The following CACNA2D3 variants were observed in gnomAD, a reference collection of about 807,000 sequenced individuals.
The protein encoded by CACNA2D3 is calcium voltage-gated channel auxiliary subunit alpha2delta 3, also known as voltage-dependent calcium channel subunit alpha-2/delta-3.
Under a neutral mutation model 160.6 loss-of-function variants are expected in CACNA2D3, and 60 were observed. That is an observed-to-expected ratio of 0.37 (90% confidence interval 0.30 to 0.46). The LOEUF (loss-of-function observed/expected upper bound fraction) is 0.46, where lower values mean the gene tolerates loss of function less well. Ranked by LOEUF, CACNA2D3 falls within the 20% of genes least tolerant of loss-of-function variation. CACNA2D3 has a pLI of 1.00. For missense variants in CACNA2D3, 1,205 were observed against 1,365.0 expected (o/e 0.88, Z 1.85); for synonymous variants, 558 against 492.9 (o/e 1.13, Z -1.75).
At chr3:54,470,850 A>G (rs1201265445) in intron 4 of CACNA2D3, among the ~76,000 whole-genome samples, 1 of 152,258 alleles carries the variant, frequency 6.6e-6, no homozygotes, top group Non-Finnish European at 1.5e-5. Context: ...GATCAATGCA[A>G]CAAGAAGAGC....
chr3:54,687,564 T>C (rs1339949298), intron 11 of CACNA2D3, among the ~76,000 whole-genome samples: 1 of 152,166 alleles, frequency 6.6e-6, no homozygotes, highest in Non-Finnish European at 1.5e-5. Flanking sequence ...GTGGTTGATA[T>C]GCCCAAAAGT....
At chr3:54,433,920 G>A (rs1348342733) in intron 4 of CACNA2D3, among the ~76,000 whole-genome samples, 2 of 152,154 alleles carry the variant, frequency 1.3e-5, no homozygotes, top group East Asian at 1.9e-4. Flanking sequence ...AATGATCTTC[G>A]CATGCTCCTA....
At chr3:54,904,569 A>G (rs1164775862) in intron 27 of CACNA2D3, among the ~76,000 whole-genome samples, 1 of 152,258 alleles carries the variant, frequency 6.6e-6, no homozygotes, top group African/African-American at 2.4e-5. Context: ...ACCTTTTAAC[A>G]TACCAAAATC....
At chr3:54,786,495 T>C (rs545745521) in intron 13 of CACNA2D3, among the ~76,000 whole-genome samples, 7 of 152,264 alleles carry the variant, frequency 4.6e-5, no homozygotes, top group African/African-American at 1.7e-4. Context: ...TACAATACAG[T>C]ATGGTTATCT....
Position 54,319,453 on chromosome 3 carries a change from A to G in CACNA2D3, c.205-989A>G, listed in dbSNP as rs149165370. On this transcript the variant is annotated intron_variant, in intron 2 of 37. Coordinates refer to ENST00000474759, the MANE Select transcript of CACNA2D3 (RefSeq NM_018398.3). ...AAACTGATTCAGAGTTTCCCCACAAATAAGAGTAAATATATCTTACCCAGC... is the reference window on the plus strand; with the variant it reads ...AAACTGATTCAGAGTTTCCCCACAAGTAAGAGTAAATATATCTTACCCAGC... Among the ~76,000 whole-genome samples, 214 of 152,310 alleles carry G rather than the reference A, an allele frequency of 1.4e-3. No individual in the cohort carries two copies. In the Middle Eastern group the frequency reaches 0.017, roughly 12 times the overall value.
chr3:54,824,310 T>C (rs572041822), intron 14 of CACNA2D3, among the ~76,000 whole-genome samples: 86 of 152,322 alleles, frequency 5.6e-4, no homozygotes, highest in Non-Finnish European at 1.0e-3. Context: ...GGTAGGTGTG[T>C]GGTTACACCG....
intron 20 of CACNA2D3, among the ~76,000 whole-genome samples, chr3:54,880,572 G>A (rs1699771258): frequency 6.6e-6 from 1 of 152,186 alleles, no homozygotes; most frequent in African/African-American, 2.4e-5. Context: ...GTAGCCAATT[G>A]CTGCTGGCAT....
At chr3:54,311,661 G>T (rs1308186099) in intron 2 of CACNA2D3, among the ~76,000 whole-genome samples, 1 of 152,146 alleles carries the variant, frequency 6.6e-6, no homozygotes, top group Non-Finnish European at 1.5e-5. Context: ...AGTTTACATA[G>T]AAATGATCCA....
chr3:54,161,815 T>A (rs931611198), intron 2 of CACNA2D3, among the ~76,000 whole-genome samples: 3 of 152,176 alleles, frequency 2.0e-5, no homozygotes, highest in Non-Finnish European at 4.4e-5. Context: ...GAAGCCAGCC[T>A]AGTTAGGGGT....
intron 29 of CACNA2D3, among the ~76,000 whole-genome samples, chr3:54,983,425 C>G (rs971562117): frequency 6.6e-6 from 1 of 152,174 alleles, no homozygotes; most frequent in African/African-American, 2.4e-5. Flanking sequence ...GAAAGCTTAT[C>G]AAGACTCCCT....
intron 11 of CACNA2D3, among the ~76,000 whole-genome samples, chr3:54,715,509 TG>T (rs533757353): frequency 2.0e-5 from 3 of 151,376 alleles, no homozygotes; most frequent in South Asian, 2.1e-4. Context: ...CCCCAGAATA[TG>T]GGGGGGGCAG....
At chr3:54,451,609 G>A (rs1480029597) in intron 4 of CACNA2D3, among the ~76,000 whole-genome samples, 1 of 152,058 alleles carries the variant, frequency 6.6e-6, no homozygotes, top group Non-Finnish European at 1.5e-5. Flanking sequence ...TACGCTCTTG[G>A]TGTTCTCTCC....
At chr3:54,835,942 G>A (rs1221580532) in intron 14 of CACNA2D3, among the ~76,000 whole-genome samples, 2 of 152,188 alleles carry the variant, frequency 1.3e-5, no homozygotes, top group African/African-American at 2.4e-5. Flanking sequence ...CAGTGCTGGG[G>A]AATAGTGGGC....
chr3:54,141,988 C>T (rs1699945976), intron 2 of CACNA2D3, among the ~76,000 whole-genome samples: 1 of 152,208 alleles, frequency 6.6e-6, no homozygotes, highest in African/African-American at 2.4e-5. Context: ...TAGACTAATG[C>T]ATGCAAGTCT....
chr3:54,810,775 C>G (rs932391309), intron 13 of CACNA2D3, among the ~76,000 whole-genome samples: 7 of 152,294 alleles, frequency 4.6e-5, no homozygotes, highest in Middle Eastern at 3.4e-3. Flanking sequence ...CTTCGTTGAG[C>G]TAGAGCACTA....
At chr3:54,122,856 C>T in intron 1 of CACNA2D3, 21 bp downstream of exon 1, 1 of 1,224,152 alleles carries the variant, frequency 8.2e-7, no homozygotes, top group Non-Finnish European at 1.0e-6. Flanking sequence ...GCTCCTGCGC[C>T]GCCCGGGGAG....
chr3:55,020,256 G>T (rs1703417369), intron 35 of CACNA2D3, among the ~76,000 whole-genome samples: 2 of 149,636 alleles, frequency 1.3e-5, no homozygotes, highest in Non-Finnish European at 1.5e-5. Context: ...TACTAATTTT[G>T]GAATTAGCTT....
In CACNA2D3 at chr3:54,314,622, G is replaced by A. The variant is rs573128615; in HGVS notation, c.205-5820G>A. ...ATTCTTGCAGGAGTAAGGTGGTTTCGCATTGTGGTTTTGATTTGCATTTTT... is the reference window on the plus strand; with the variant it reads ...ATTCTTGCAGGAGTAAGGTGGTTTCACATTGTGGTTTTGATTTGCATTTTT... On this transcript the variant is annotated intron_variant, in intron 2 of 37. Coordinates refer to ENST00000474759, the MANE Select transcript of CACNA2D3 (RefSeq NM_018398.3). Among the ~76,000 whole-genome samples the A allele has an allele frequency of 2.7e-4, 41 of 152,022 alleles. No homozygotes were observed. In the Middle Eastern group the frequency reaches 0.01, roughly 38 times the overall value.
rs112509859 is a variant in CACNA2D3 at position 54,548,065 on chromosome 3, G to A, written c.545-14735G>A. ...GCCACTCCACACATTGTTCTGGACA[G>A]TGTTAAGGCTTTGGTGTGGAGTGAC... On this transcript the variant is annotated intron_variant, in intron 5 of 37. Transcript: ENST00000474759. Among the ~76,000 whole-genome samples, 336 of 152,242 alleles carry A rather than the reference G, an allele frequency of 2.2e-3. 1 individual carries two copies. Among genetic ancestry groups the A allele is most frequent in the African/African-American group, 7.3e-3 (304 of 41,552 alleles).
Sources: allele counts gnomAD v4.1 joint callset (sites outside exome capture counted in the v4.1 genomes callset), GRCh38; gene constraint gnomAD v4.1.1; transcripts MANE v1.5; gene names NCBI Gene and HGNC (gene_info 2026-07-23, HGNC 2026-07-21).